Variants in ACSS3 observed in about 807,000 individuals in gnomAD.
ACSS3 encodes the protein acyl-CoA synthetase short-chain family member 3, mitochondrial.
In ACSS3, 64 loss-of-function variants were observed where a neutral mutation model predicts 84.2. The observed-to-expected ratio is 0.76, with a 90% CI of 0.62 to 0.94. The LOEUF is 0.94. Ranked by LOEUF, ACSS3 falls within the 40% of genes least tolerant of loss-of-function variation. The pLI is 0.00. For synonymous variants in ACSS3, 317 were observed against 310.1 expected (o/e 1.02, Z -0.23); for missense variants, 815 against 867.6 (o/e 0.94, Z 0.76).
At chr12:81,131,505 T>C (rs1885500925) in intron 2 of ACSS3, among the ~76,000 whole-genome samples, 2 of 152,228 alleles carry the variant, frequency 1.3e-5, no homozygotes, top group African/African-American at 4.8e-5. Flanking sequence ...TGAAGTTGCT[T>C]ATCAGCTTAA....
intron 12 of ACSS3, among the ~76,000 whole-genome samples, chr12:81,233,096 A>G (rs1397072152): frequency 6.6e-6 from 1 of 151,766 alleles, no homozygotes; most frequent in African/African-American, 2.4e-5. Flanking sequence ...GGATTCATAA[A>G]CTTTACAACT....
At position 81,258,173 on chromosome 12, in the gene ACSS3, A is replaced by T. The variant is rs2034389319; in HGVS notation, c.*3251A>T. 6.6e-6 allele frequency: 1 copy of T among 152,164 alleles called. No individual in the cohort carries two copies. Among genetic ancestry groups the T allele is most frequent in the Admixed American group, 6.6e-5 (1 of 15,252 alleles). The allele number at this position is 152,164 out of a possible 1,614,324, so 9.4% of individuals were successfully genotyped here. Reference sequence around the variant, plus strand: ...TTGTGGCAGACTCAATTTTGAAGCTAAATATTTGGGTCACCCAAAGAACAC... The same window carrying T: ...TTGTGGCAGACTCAATTTTGAAGCTTAATATTTGGGTCACCCAAAGAACAC... On this transcript the variant is annotated 3_prime_UTR_variant, in exon 16 of 16. Transcript: ENST00000548058.
chr12:81,191,446 C>T (rs988706400), intron 8 of ACSS3, among the ~76,000 whole-genome samples: 45 of 152,028 alleles, frequency 3.0e-4, no homozygotes, highest in Non-Finnish European at 4.6e-4. Flanking sequence ...TTGCTCGTCT[C>T]ATAAAATGGG....
At chr12:81,202,835 T>C (rs1236951506) in intron 9 of ACSS3, among the ~76,000 whole-genome samples, 1 of 152,190 alleles carries the variant, frequency 6.6e-6, no homozygotes, top group Non-Finnish European at 1.5e-5. Flanking sequence ...TGACTTGAGT[T>C]GTAAGAAGGG....
At chr12:81,175,390 G>A (rs952823006) in intron 8 of ACSS3, among the ~76,000 whole-genome samples, 3 of 152,116 alleles carry the variant, frequency 2.0e-5, no homozygotes, top group African/African-American at 7.2e-5. Flanking sequence ...GAAGAACAAA[G>A]AGACTTAGGT....
chr12:81,131,580 A>T (rs1885508037), intron 2 of ACSS3, among the ~76,000 whole-genome samples: 1 of 152,178 alleles, frequency 6.6e-6, no homozygotes, highest in East Asian at 1.9e-4. Flanking sequence ...AAACAGGGAC[A>T]ATTTGACTTA....
chr12:81,078,558 C>A, intron 1 of ACSS3, 127 bp downstream of exon 1: 1 of 1,002,168 alleles, frequency 1.0e-6, no homozygotes, highest in Non-Finnish European at 1.5e-6. Context: ...TGTGTTCAGA[C>A]CCCTCAATTC....
chr12:81,192,439 G>A (rs1423984054), intron 8 of ACSS3, among the ~76,000 whole-genome samples: 1 of 152,136 alleles, frequency 6.6e-6, no homozygotes, highest in Non-Finnish European at 1.5e-5. Flanking sequence ...GCTATATTGA[G>A]ATACCAGATG....
chr12:81,172,039 G>A (rs1489154183), intron 7 of ACSS3, among the ~76,000 whole-genome samples: 1 of 152,120 alleles, frequency 6.6e-6, no homozygotes, highest in Non-Finnish European at 1.5e-5. Flanking sequence ...GCCGAAGGCA[G>A]GCGGATTGCC....
chr12:81,104,524 A>G (rs946252502), intron 1 of ACSS3, among the ~76,000 whole-genome samples: 2 of 152,096 alleles, frequency 1.3e-5, no homozygotes, highest in Non-Finnish European at 2.9e-5. Context: ...AGATTAGTTT[A>G]TGTGGGGAGC....
At chr12:81,225,953 T>A (rs1404317120) in intron 11 of ACSS3, among the ~76,000 whole-genome samples, 1 of 151,934 alleles carries the variant, frequency 6.6e-6, no homozygotes, top group Non-Finnish European at 1.5e-5. Flanking sequence ...CTACTTCCAC[T>A]CAAATCTTTC....
chr12:81,231,590 T>G (rs1316897570), intron 12 of ACSS3, among the ~76,000 whole-genome samples: 1 of 151,814 alleles, frequency 6.6e-6, no homozygotes, highest in Non-Finnish European at 1.5e-5. Context: ...TTTTTCCACT[T>G]CTTTATTTTT....
chr12:81,089,925 A>G (rs1317647033), intron 1 of ACSS3, among the ~76,000 whole-genome samples: 1 of 152,048 alleles, frequency 6.6e-6, no homozygotes, highest in Non-Finnish European at 1.5e-5. Flanking sequence ...ACAGTGGTGG[A>G]CTTAGTTTTT....
chr12:81,204,444 C>G (rs937243209), intron 9 of ACSS3, among the ~76,000 whole-genome samples: 1 of 147,420 alleles, frequency 6.8e-6, no homozygotes, highest in Non-Finnish European at 1.5e-5. Context: ...TTTATTTCTT[C>G]TTTCCTTCAT....
chr12:81,174,861 T>A lies in ACSS3; in HGVS notation c.1172T>A (p.Phe391Tyr). 1 of 1,613,992 alleles carries A rather than the reference T, an allele frequency of 6.2e-7. No individual in the cohort carries two copies. The highest frequency in any genetic ancestry group is 1.3e-5 in the African/African-American group (1 of 75,046). The change falls in exon 8 of 16, where the codon TTT becomes TAT. Residue 391 changes from phenylalanine to tyrosine, a missense_variant. Coordinates refer to ENST00000548058, the MANE Select transcript of ACSS3 (RefSeq NM_024560.4). ...VLAEHGVAAL[F>Y]TAPTAIRAIR... Reference sequence around the variant, plus strand: ...GCAGAGCATGGAGTAGCTGCCTTGTTTACAGCACCAACTGCAATTAGAGCA... The same window carrying A: ...GCAGAGCATGGAGTAGCTGCCTTGTATACAGCACCAACTGCAATTAGAGCA...
chr12:81,230,183 T>C (rs1056006318), intron 11 of ACSS3, among the ~76,000 whole-genome samples: 11 of 151,886 alleles, frequency 7.2e-5, no homozygotes, highest in Non-Finnish European at 1.6e-4. Context: ...TGAAAGCCCC[T>C]ATGTTTTACA....
At chr12:81,166,441 T>A (rs1046481990) in intron 7 of ACSS3, among the ~76,000 whole-genome samples, 5 of 152,158 alleles carry the variant, frequency 3.3e-5, no homozygotes, top group Non-Finnish European at 7.3e-5. Flanking sequence ...TAAGATTTGA[T>A]CAAGTTACCA....
intron 1 of ACSS3, among the ~76,000 whole-genome samples, chr12:81,101,830 G>A (rs1882533417): frequency 6.6e-6 from 1 of 150,808 alleles, no homozygotes. Flanking sequence ...TAATAAGGTT[G>A]AGCATCTTTT....
intron 2 of ACSS3, among the ~76,000 whole-genome samples, chr12:81,123,400 C>A (rs576116917): frequency 1.3e-5 from 2 of 152,102 alleles, no homozygotes; most frequent in African/African-American, 4.8e-5. Flanking sequence ...TTAAACCTCT[C>A]GTATTCTTAT....
Sources: gnomAD v4.1 joint callset for allele counts (sites outside exome capture counted in the v4.1 genomes callset) on GRCh38, gnomAD v4.1.1 for gene constraint, MANE v1.5 for transcripts, NCBI Gene and HGNC (gene_info 2026-07-23, HGNC 2026-07-21) for gene names.